CADPS2: variants seen among roughly 807,000 people sequenced by gnomAD.
CADPS2 encodes calcium dependent secretion activator 2.
CADPS2 carries 93 observed loss-of-function variants against 172.5 expected under a neutral mutation model. The ratio of observed to expected loss-of-function variants is 0.54; its 90% CI spans 0.46 to 0.64. CADPS2 has a LOEUF of 0.64. Among genes scored for constraint, CADPS2 ranks in the 30% least tolerant of loss-of-function variants. The pLI is 0.00. For missense variants in CADPS2, 1,420 were observed against 1,565.9 expected, an observed-to-expected ratio of 0.91 and a Z score of 1.57; for synonymous variants, 546 against 555.2, an observed-to-expected ratio of 0.98 and a Z score of 0.23.
At chr7:122,525,583 C>T (rs1335556975) in intron 8 of CADPS2, among the ~76,000 whole-genome samples, 6 of 152,168 alleles carry the variant, frequency 3.9e-5, no homozygotes, top group African/African-American at 1.4e-4. Flanking sequence ...CCCTGCCCTG[C>T]TCCCTTGTGT....
chr7:122,800,851 C>A (rs1329413668), intron 1 of CADPS2, among the ~76,000 whole-genome samples: 1 of 151,796 alleles, frequency 6.6e-6, no homozygotes, highest in African/African-American at 2.4e-5. Flanking sequence ...ATTAGCCGGG[C>A]GTGGTGGCAC....
At chr7:122,878,184 T>G (rs995737950) in intron 1 of CADPS2, among the ~76,000 whole-genome samples, 5 of 143,344 alleles carry the variant, frequency 3.5e-5, no homozygotes, top group African/African-American at 1.3e-4. Flanking sequence ...CACTTGAATC[T>G]GGGAGGTGGA....
In CADPS2 at chr7:122,886,233, G is replaced by A. The variant is rs1027568074; in HGVS notation, c.105C>T (p.Ala35=). The stretch of plus-strand genomic sequence containing the variant: ...CGTCCCGCCGCCCTTCCCGAGTCGG[G>A]GCTGGAGGAGCTCGCTGCGAGCTGC... ...AAGSSQRAPP[A]PTREGRRDAP... The change falls in exon 1 of 30, where the codon GCC becomes GCT. Residue 35 remains alanine (A), a synonymous_variant. Coordinates refer to ENST00000449022, the MANE Select transcript of CADPS2 (RefSeq NM_017954.11). The A allele has an allele frequency of 9.3e-6, 14 of 1,497,524 alleles. No individual in the cohort carries two copies. The highest frequency in any genetic ancestry group is 1.2e-5 in the Non-Finnish European group (14 of 1,130,482). 92.8% of individuals were successfully genotyped at this position (1,497,524 alleles called of 1,614,324 possible).
At chr7:122,684,703 G>C (rs2083442572) in intron 2 of CADPS2, among the ~76,000 whole-genome samples, 1 of 152,084 alleles carries the variant, frequency 6.6e-6, no homozygotes, top group African/African-American at 2.4e-5. Flanking sequence ...ATGTTAACAA[G>C]GAAGTTGGGA....
intron 24 of CADPS2, among the ~76,000 whole-genome samples, chr7:122,382,045 G>C (rs561444828): frequency 6.6e-6 from 1 of 152,042 alleles, no homozygotes; most frequent in Admixed American, 6.6e-5. Context: ...AAGATGGCCC[G>C]AGAATTCCCA....
intron 3 of CADPS2, among the ~76,000 whole-genome samples, chr7:122,646,908 G>A (rs1374996054): frequency 2.0e-5 from 3 of 152,070 alleles, no homozygotes; most frequent in Non-Finnish European, 4.4e-5. Flanking sequence ...GACAAGAGTA[G>A]CAGATAATGT....
rs1587299852 is a variant in CADPS2 at position 122,560,294 on chromosome 7, T to C, written c.1336-5605A>G. Among the ~76,000 whole-genome samples the C allele has an allele frequency of 4.6e-5, 7 of 152,254 alleles. No homozygotes were observed. In the South Asian group the frequency reaches 1.5e-3, roughly 32 times the overall value. On this transcript the variant is annotated intron_variant, in intron 7 of 29. Coordinates refer to ENST00000449022, the MANE Select transcript of CADPS2 (RefSeq NM_017954.11). Reference sequence around the variant, plus strand: ...AGGAGATACCAGAAGGTTAAGCTTATGGATAAAACCAGTAATTATGGAAGA... The same window carrying C: ...AGGAGATACCAGAAGGTTAAGCTTACGGATAAAACCAGTAATTATGGAAGA...
intron 8 of CADPS2, among the ~76,000 whole-genome samples, chr7:122,532,306 C>CTA (rs2061831957): frequency 6.6e-6 from 1 of 152,122 alleles, no homozygotes. Flanking sequence ...TCAGGCTCAT[C>CTA]TATTTATCTA....
chr7:122,544,359 G>A (rs2063407221), intron 8 of CADPS2, among the ~76,000 whole-genome samples: 1 of 152,116 alleles, frequency 6.6e-6, no homozygotes, highest in South Asian at 2.1e-4. Flanking sequence ...AAATTGAATA[G>A]GATTTTGTAA....
chr7:122,331,428 A>G (rs2034929110), intron 28 of CADPS2, among the ~76,000 whole-genome samples: 1 of 152,200 alleles, frequency 6.6e-6, no homozygotes, highest in African/African-American at 2.4e-5. Flanking sequence ...ACTTGAGGCC[A>G]GGAGTTGGAG....
intron 4 of CADPS2, among the ~76,000 whole-genome samples, chr7:122,628,067 T>G (rs2076245620): frequency 1.3e-5 from 2 of 152,148 alleles, no homozygotes; most frequent in African/African-American, 4.8e-5. Context: ...GTATCTTCAT[T>G]CATCTAGAGA....
intron 2 of CADPS2, among the ~76,000 whole-genome samples, chr7:122,712,761 T>C (rs1181315730): frequency 6.6e-6 from 1 of 152,080 alleles, no homozygotes; most frequent in Non-Finnish European, 1.5e-5. Flanking sequence ...TTAAGTAGAT[T>C]TGGTGTCTCA....
chr7:122,390,244 G>C (rs192655600), intron 22 of CADPS2, among the ~76,000 whole-genome samples: 6 of 151,954 alleles, frequency 3.9e-5, no homozygotes, highest in African/African-American at 9.6e-5. Context: ...AAGAGAACTA[G>C]ACAACACCAT....
At chr7:122,445,715 T>C (rs922702978) in intron 15 of CADPS2, among the ~76,000 whole-genome samples, 2 of 152,110 alleles carry the variant, frequency 1.3e-5, no homozygotes, top group African/African-American at 4.8e-5. Flanking sequence ...CTTGGGATGC[T>C]GAGGTGGGAG....
intron 8 of CADPS2, among the ~76,000 whole-genome samples, chr7:122,526,044 A>G (rs2061204468): frequency 6.6e-6 from 1 of 152,170 alleles, no homozygotes; most frequent in Admixed American, 6.6e-5. Context: ...CCCCAGGCTG[A>G]GGACACAGCT....
chr7:122,486,836 C>T (rs1281258523), intron 11 of CADPS2, among the ~76,000 whole-genome samples: 1 of 152,104 alleles, frequency 6.6e-6, no homozygotes, highest in Non-Finnish European at 1.5e-5. Flanking sequence ...CCTTCAACAA[C>T]CAGCAACCTG....
At chr7:122,808,470 ACAGTTT>A (rs1799297577) in intron 1 of CADPS2, among the ~76,000 whole-genome samples, 2 of 152,210 alleles carry the variant, frequency 1.3e-5, no homozygotes, top group South Asian at 4.1e-4. Context: ...ACACAAGATA[ACAGTTT>A]CATTACCTTC....
intron 6 of CADPS2, 54 bp downstream of exon 6, chr7:122,615,127 G>T: frequency 9.5e-7 from 1 of 1,050,114 alleles, no homozygotes; most frequent in Non-Finnish European, 1.4e-6. Flanking sequence ...TGTTTCTTTG[G>T]GAGGATTAAA....
chr7:122,835,922 C>T (rs1429790547), intron 1 of CADPS2, among the ~76,000 whole-genome samples: 2 of 152,102 alleles, frequency 1.3e-5, no homozygotes, highest in African/African-American at 2.4e-5. Flanking sequence ...TCAGGAAATA[C>T]AGAGAACGCC....
Sources: allele counts gnomAD v4.1 joint callset (sites outside exome capture counted in the v4.1 genomes callset), GRCh38; gene constraint gnomAD v4.1.1; transcripts MANE v1.5; gene names NCBI Gene and HGNC (gene_info 2026-07-23, HGNC 2026-07-21).